The following FRMPD4 variants were observed in gnomAD, a reference collection of about 807,000 sequenced individuals.
FRMPD4 encodes the protein FERM and PDZ domain-containing protein 4.
A neutral mutation model predicts 94.1 loss-of-function variants in FRMPD4; 22 were observed. That is an observed-to-expected ratio of 0.23 (90% confidence interval 0.17 to 0.33). The LOEUF is 0.33. Ranked by LOEUF, FRMPD4 falls within the 10% of genes least tolerant of loss-of-function variation. The probability of loss-of-function intolerance (pLI) is 1.00; values close to 1 mark genes in which losing one functional copy is unlikely to be tolerated. For missense variants in FRMPD4, 1,111 were observed against 1,339.9 expected (o/e 0.83, Z 2.67); for synonymous variants, 631 against 548.6 (o/e 1.15, Z -2.10).
At chrX:11,853,052 C>T (rs1300315658) in intron 1 of FRMPD4, among the ~76,000 whole-genome samples, 1 of 112,181 alleles carries the variant, frequency 8.9e-6, no homozygotes, top group Non-Finnish European at 1.9e-5. Context: ...ATAACAGTCT[C>T]TCAGACCACA....
intron 11 of FRMPD4, among the ~76,000 whole-genome samples, chrX:12,705,327 C>T (rs992283148): frequency 1.8e-5 from 2 of 111,696 alleles, no homozygotes; most frequent in African/African-American, 6.5e-5. Flanking sequence ...AGAGAAGGAG[C>T]CTTAAAATAC....
At chrX:12,128,891 A>T (rs35761815) in intron 3 of FRMPD4, among the ~76,000 whole-genome samples, 19,210 of 111,254 alleles carry the variant, frequency 0.17, 1,163 homozygotes, top group South Asian at 0.36. Context: ...TTGCTATAGC[A>T]TAGCAAGAGT....
At chrX:12,626,756 T>C (rs756435627) in intron 4 of FRMPD4, among the ~76,000 whole-genome samples, 10 of 105,493 alleles carry the variant, frequency 9.5e-5, no homozygotes, top group Admixed American at 8.4e-4. Flanking sequence ...GATGGGAGAT[T>C]GGCAAGACTA....
intron 3 of FRMPD4, among the ~76,000 whole-genome samples, chrX:12,035,591 G>A (rs2054716450): frequency 8.9e-6 from 1 of 111,775 alleles, no homozygotes; most frequent in Admixed American, 9.5e-5. Context: ...CTTAGGCCAG[G>A]GGCTGGAAGT....
chrX:12,525,642 T>G (rs1015138883), intron 2 of FRMPD4, among the ~76,000 whole-genome samples: 1 of 112,621 alleles, frequency 8.9e-6, no homozygotes, highest in Non-Finnish European at 1.9e-5. Flanking sequence ...GTGAACATAT[T>G]CTTTTTTATT....
chrX:11,860,475 T>A (rs1338593314), intron 1 of FRMPD4, among the ~76,000 whole-genome samples: 7 of 112,053 alleles, frequency 6.2e-5, no homozygotes, highest in Admixed American at 1.9e-4. Flanking sequence ...GTATCCTGAT[T>A]ATCATCAAAG....
chrX:12,063,549 AT>A (rs1245914078), intron 3 of FRMPD4, among the ~76,000 whole-genome samples: 3 of 112,733 alleles, frequency 2.7e-5, no homozygotes, highest in Non-Finnish European at 5.6e-5. Context: ...TAAAATAATG[AT>A]TGCATTGTTA....
chrX:12,460,272 A>G (rs1456260761), intron 1 of FRMPD4, among the ~76,000 whole-genome samples: 4 of 111,860 alleles, frequency 3.6e-5, no homozygotes, highest in Non-Finnish European at 7.5e-5. Flanking sequence ...GATAAGGTCC[A>G]GTTTATCAAT....
chrX:11,988,078 A>G, intron 3 of FRMPD4, among the ~76,000 whole-genome samples: 1 of 111,975 alleles, frequency 8.9e-6, no homozygotes, highest in South Asian at 3.7e-4. Context: ...CAGAAATAGA[A>G]AAAAACAACC....
At chrX:12,478,850 A>T (rs1007471194) in intron 1 of FRMPD4, among the ~76,000 whole-genome samples, 9 of 111,693 alleles carry the variant, frequency 8.1e-5, no homozygotes, top group African/African-American at 2.9e-4. Context: ...TAATTTTTAT[A>T]AAATTCTCTT....
intron 3 of FRMPD4, among the ~76,000 whole-genome samples, chrX:12,127,212 C>T (rs1233215515): frequency 2.7e-5 from 3 of 111,723 alleles, no homozygotes; most frequent in Non-Finnish European, 5.6e-5. Flanking sequence ...CATTAGGGCT[C>T]CTATATTAGT....
At chrX:12,564,740 T>C (rs1169921479) in intron 2 of FRMPD4, among the ~76,000 whole-genome samples, 1 of 110,857 alleles carries the variant, frequency 9.0e-6, no homozygotes, top group Non-Finnish European at 1.9e-5. Context: ...CAGAGATCCC[T>C]GGAGAAATGG....
At chrX:12,507,457 G>A (rs940315605) in intron 2 of FRMPD4, among the ~76,000 whole-genome samples, 8 of 112,032 alleles carry the variant, frequency 7.1e-5, no homozygotes, top group Non-Finnish European at 1.1e-4. Context: ...ACTGGGGGCC[G>A]GATGTGACCC....
chrX:12,112,698 T>A, intron 3 of FRMPD4, among the ~76,000 whole-genome samples: 1 of 112,076 alleles, frequency 8.9e-6, no homozygotes, highest in East Asian at 2.8e-4. Context: ...TAATTTTGAA[T>A]TTTTTGATTA....
At chrX:11,876,971 C>T (rs907185252) in intron 2 of FRMPD4, among the ~76,000 whole-genome samples, 2 of 112,069 alleles carry the variant, frequency 1.8e-5, no homozygotes, top group Admixed American at 9.4e-5. Context: ...TGCCACTAAA[C>T]GTCCTACAAT....
Position 12,721,025 on chromosome X carries a change from T to C in FRMPD4, c.4456T>C (p.Leu1486=). The C allele has an allele frequency of 1.3e-6, 1 of 758,750 alleles. No homozygotes were observed. Among genetic ancestry groups the C allele is most frequent in the Non-Finnish European group, 1.6e-6 (1 of 641,099 alleles). The allele number at this position is 758,750 out of a possible 1,213,427, so 62.5% of individuals were successfully genotyped here. ...TAAAGACTCAAAGCTGTATAGGACATTACCCTTGCGGAAGCTGGAGGGCAG... is the reference window on the plus strand; with the variant it reads ...TAAAGACTCAAAGCTGTATAGGACACTACCCTTGCGGAAGCTGGAGGGCAG... ...AHKDSKLYRT[L]PLRKLEGSNW... The change falls in exon 17 of 17, where the codon TTA becomes CTA. Residue 1486 remains leucine, a synonymous_variant. Coordinates refer to ENST00000675598, the MANE Select transcript of FRMPD4 (RefSeq NM_001368397.1).
intron 3 of FRMPD4, among the ~76,000 whole-genome samples, chrX:11,913,589 A>C (rs2054008029): frequency 8.9e-6 from 1 of 112,162 alleles, no homozygotes; most frequent in African/African-American, 3.2e-5. Context: ...TCTTCTAGAC[A>C]CCTGGATCAT....
At chrX:12,072,508 C>T (rs974737747) in intron 3 of FRMPD4, among the ~76,000 whole-genome samples, 1 of 111,257 alleles carries the variant, frequency 9.0e-6, no homozygotes, top group African/African-American at 3.3e-5. Context: ...TTAATCATGC[C>T]CGGTTGTGTG....
chrX:11,988,797 T>C (rs1281625584), intron 3 of FRMPD4, among the ~76,000 whole-genome samples: 2 of 111,570 alleles, frequency 1.8e-5, no homozygotes, highest in African/African-American at 6.5e-5. Context: ...GGGCAAAAGA[T>C]CTGAATAGAC....
Sources: gnomAD v4.1 joint callset for allele counts (sites outside exome capture counted in the v4.1 genomes callset) on GRCh38, gnomAD v4.1.1 for gene constraint, MANE v1.5 for transcripts, NCBI Gene and HGNC (gene_info 2026-07-23, HGNC 2026-07-21) for gene names.